The following TOX variants were observed in gnomAD, a reference collection of about 807,000 sequenced individuals.
TOX encodes thymocyte selection-associated high mobility group box protein TOX.
Under a neutral mutation model 53.7 loss-of-function variants are expected in TOX, and 11 were observed. The observed-to-expected ratio is 0.20, with a 90% CI of 0.13 to 0.34. The LOEUF (loss-of-function observed/expected upper bound fraction) is 0.34, where lower values mean the gene tolerates loss of function less well. TOX is among the 10% of genes least tolerant of loss of function. The pLI, the probability that TOX is intolerant of heterozygous loss-of-function variation, is 1.00. For missense variants in TOX, 570 were observed against 664.6 expected (o/e 0.86, Z 1.56); for synonymous variants, 225 against 245.3 (o/e 0.92, Z 0.77).
intron 1 of TOX, among the ~76,000 whole-genome samples, chr8:59,044,246 A>AAAAAAT (rs1554541662): frequency 1.3e-5 from 2 of 149,820 alleles, no homozygotes; most frequent in African/African-American, 4.9e-5. Context: ...AAAAAAAAAA[A>AAAAAAT]GGTGGACGAC....
rs1054391727 is a variant in TOX, at chr8:59,065,726, A to G, written c.102+53160T>C. Among the ~76,000 whole-genome samples, 5 of 152,212 alleles carry G rather than the reference A, an allele frequency of 3.3e-5. No homozygotes were observed. In the East Asian group the frequency reaches 9.6e-4, roughly 29 times the overall value. On this transcript the variant is annotated intron_variant, in intron 1 of 8. Coordinates refer to ENST00000361421, the MANE Select transcript of TOX (RefSeq NM_014729.3). The stretch of plus-strand genomic sequence containing the variant: ...TTCATAGATGACAGAAGAAAAAAAG[A>G]GAAAATAGTGTACCATCTATGTGGA...
intron 2 of TOX, among the ~76,000 whole-genome samples, chr8:58,956,323 T>C (rs2129178118): frequency 6.6e-6 from 1 of 152,152 alleles, no homozygotes; most frequent in South Asian, 2.1e-4. Context: ...CGTATCTGAG[T>C]GGGCTGAGAA....
chr8:58,842,156 C>T (rs976202036), intron 4 of TOX, among the ~76,000 whole-genome samples: 4 of 152,078 alleles, frequency 2.6e-5, no homozygotes, highest in Admixed American at 6.6e-5. Flanking sequence ...AATATTACTT[C>T]TGGGTGTGTC....
At chr8:59,023,099 T>C (rs1386948158) in intron 1 of TOX, among the ~76,000 whole-genome samples, 1 of 152,162 alleles carries the variant, frequency 6.6e-6, no homozygotes, top group Non-Finnish European at 1.5e-5. Context: ...TTCAGACCAA[T>C]GATGTGCAGC....
At chr8:58,997,275 G>T (rs560864665) in intron 1 of TOX, among the ~76,000 whole-genome samples, 1 of 130,928 alleles carries the variant, frequency 7.6e-6, no homozygotes. Context: ...GAAAGTTATC[G>T]TGAAGATGTG....
At chr8:59,044,396 TCTTCTTCAAAAACAAGATTTCCCAC>T (rs1294841182) in intron 1 of TOX, among the ~76,000 whole-genome samples, 1 of 152,160 alleles carries the variant, frequency 6.6e-6, no homozygotes, top group East Asian at 1.9e-4. Flanking sequence ...ACAAGTGCAC[TCTTCTTCAAAAACAAGATTTCCCAC>T]CTGTCCCTTG....
rs185477107 is a variant in TOX at position 59,031,855 on chromosome 8, T to C, written c.103-71847A>G. The stretch of plus-strand genomic sequence containing the variant: ...AACCAGAGAAAAATACAAAATGAGA[T>C]TGGAGAGATGGAAAAGGTCTGGAAA... On this transcript the variant is annotated intron_variant, in intron 1 of 8. Transcript: ENST00000361421. Among the ~76,000 whole-genome samples the C allele has an allele frequency of 2.6e-5, 4 of 152,076 alleles. No individual in the cohort carries two copies. The East Asian group carries it at 5.8e-4, about 22-fold the overall frequency.
intron 3 of TOX, among the ~76,000 whole-genome samples, chr8:58,865,055 C>T (rs1811073842): frequency 6.6e-6 from 1 of 152,136 alleles, no homozygotes; most frequent in South Asian, 2.1e-4. Flanking sequence ...TCCCACTTAA[C>T]CATTAAGTGG....
chr8:59,099,935 G>T (rs1446103551), intron 1 of TOX, among the ~76,000 whole-genome samples: 2 of 152,048 alleles, frequency 1.3e-5, no homozygotes, highest in Non-Finnish European at 2.9e-5. Flanking sequence ...TAATGTAAAA[G>T]AAAGGTTCCT....
chr8:58,944,776 A>G (rs1206005409), intron 2 of TOX, among the ~76,000 whole-genome samples: 1 of 152,228 alleles, frequency 6.6e-6, no homozygotes, highest in Non-Finnish European at 1.5e-5. Flanking sequence ...AAACGGATTT[A>G]TACATGCCAT....
At chr8:59,015,661 G>A (rs1223165203) in intron 1 of TOX, among the ~76,000 whole-genome samples, 1 of 152,142 alleles carries the variant, frequency 6.6e-6, no homozygotes, top group African/African-American at 2.4e-5. Context: ...TTATCTATTG[G>A]TTTGCTTTGC....
intron 3 of TOX, among the ~76,000 whole-genome samples, chr8:58,876,705 G>A (rs1324735043): frequency 6.6e-6 from 1 of 151,974 alleles, no homozygotes; most frequent in Non-Finnish European, 1.5e-5. Context: ...GGGTGTTCAA[G>A]GAGCAAAAAA....
Position 58,807,558 on chromosome 8 carries a change from G to C in TOX, c.*189C>G, listed in dbSNP as rs1006073470. On this transcript the variant is annotated 3_prime_UTR_variant, in exon 9 of 9. Coordinates refer to ENST00000361421, the MANE Select transcript of TOX (RefSeq NM_014729.3). ...GAAGAAGAAAAACAATGTCCATAAA[G>C]GATTAAAAAAATAATAAAGAAGCAT... The C allele has an allele frequency of 5.0e-6, 3 of 596,048 alleles. No homozygotes were observed. The highest frequency in any genetic ancestry group is 8.8e-6 in the Non-Finnish European group (3 of 342,764). 36.9% of individuals were successfully genotyped at this position (596,048 alleles called of 1,614,324 possible).
At chr8:58,810,269 G>T (rs1403607758) in intron 7 of TOX, among the ~76,000 whole-genome samples, 4 of 152,120 alleles carry the variant, frequency 2.6e-5, no homozygotes, top group Admixed American at 2.6e-4. Flanking sequence ...CTCCCAAAGT[G>T]CTGGGATTAT....
chr8:58,845,169 G>A (rs556206709), intron 4 of TOX, among the ~76,000 whole-genome samples: 4 of 152,060 alleles, frequency 2.6e-5, no homozygotes, highest in Non-Finnish European at 2.9e-5. Flanking sequence ...AAACTGCCGC[G>A]GTCCCAAAGC....
At chr8:58,844,368 T>C (rs1810688566) in intron 4 of TOX, among the ~76,000 whole-genome samples, 1 of 152,222 alleles carries the variant, frequency 6.6e-6, no homozygotes, top group African/African-American at 2.4e-5. Context: ...CAGTATTTTG[T>C]ACTGGACACT....
At chr8:58,862,881 A>G (rs1811034738) in intron 3 of TOX, among the ~76,000 whole-genome samples, 1 of 152,192 alleles carries the variant, frequency 6.6e-6, no homozygotes, top group African/African-American at 2.4e-5. Context: ...CATTTAGAAT[A>G]TATGAACTAC....
At chr8:59,089,507 A>G (rs1260093683) in intron 1 of TOX, among the ~76,000 whole-genome samples, 1 of 152,204 alleles carries the variant, frequency 6.6e-6, no homozygotes, top group Admixed American at 6.5e-5. Context: ...AGATTAAGTG[A>G]CTAGGGAATT....
intron 5 of TOX, among the ~76,000 whole-genome samples, chr8:58,833,306 A>G (rs1424646260): frequency 2.0e-5 from 3 of 152,210 alleles, no homozygotes. Flanking sequence ...TTCACTTAAG[A>G]GCCGGCTTGC....
Sources: allele counts gnomAD v4.1 joint callset (sites outside exome capture counted in the v4.1 genomes callset), GRCh38; gene constraint gnomAD v4.1.1; transcripts MANE v1.5; gene names NCBI Gene and HGNC (gene_info 2026-07-23, HGNC 2026-07-21).